Variants in CD2AP observed in about 807,000 individuals in gnomAD.
The protein encoded by CD2AP is CD2 associated protein, also known as CD2-associated protein.
Under a neutral mutation model 85.1 loss-of-function variants are expected in CD2AP, and 46 were observed. The observed-to-expected ratio is 0.54, with a 90% CI of 0.43 to 0.69. The LOEUF (loss-of-function observed/expected upper bound fraction) is 0.69, where lower values mean the gene tolerates loss of function less well. Among genes scored for constraint, CD2AP ranks in the 30% least tolerant of loss-of-function variants. The pLI, the probability that CD2AP is intolerant of heterozygous loss-of-function variation, is 0.00. For missense variants in CD2AP, 769 were observed against 729.5 expected (o/e 1.05, Z -0.62); for synonymous variants, 255 against 252.9 (o/e 1.01, Z -0.08).
intron 3 of CD2AP, among the ~76,000 whole-genome samples, chr6:47,542,430 A>G (rs1767239253): frequency 6.6e-6 from 1 of 152,228 alleles, no homozygotes; most frequent in South Asian, 2.1e-4. Flanking sequence ...TCTTTCCAAA[A>G]TTCATGTTGA....
At chr6:47,503,135 A>T in intron 1 of CD2AP, 145 bp from the exon 2 acceptor site, 1 of 771,146 alleles carries the variant, frequency 1.3e-6, no homozygotes, top group Non-Finnish European at 2.1e-6. Flanking sequence ...CCAAATATTT[A>T]AAGTAATTGA....
At chr6:47,538,055 A>C (rs183373612) in intron 3 of CD2AP, among the ~76,000 whole-genome samples, 1 of 151,876 alleles carries the variant, frequency 6.6e-6, no homozygotes, top group Non-Finnish European at 1.5e-5. Flanking sequence ...CGGGCAAGAA[A>C]ATTTTTTAAA....
At chr6:47,491,480 A>ATAC (rs771628933) in intron 1 of CD2AP, among the ~76,000 whole-genome samples, 56 of 152,248 alleles carry the variant, frequency 3.7e-4, no homozygotes, top group South Asian at 8.3e-4. Flanking sequence ...ACTCAATAGT[A>ATAC]TACTGTGATC....
chr6:47,532,804 C>A (rs1165756148), intron 2 of CD2AP, among the ~76,000 whole-genome samples: 1 of 152,126 alleles, frequency 6.6e-6, no homozygotes, highest in Non-Finnish European at 1.5e-5. Context: ...ATTTGAATTG[C>A]ATTGATATAT....
chr6:47,540,961 G>A (rs1767198174), intron 3 of CD2AP, among the ~76,000 whole-genome samples: 2 of 151,958 alleles, frequency 1.3e-5, no homozygotes, highest in South Asian at 4.2e-4. Flanking sequence ...AGGTATTTAG[G>A]GACACTATAT....
intron 12 of CD2AP, among the ~76,000 whole-genome samples, chr6:47,597,559 A>G (rs1768985260): frequency 6.6e-6 from 1 of 151,038 alleles, no homozygotes; most frequent in Non-Finnish European, 1.5e-5. Context: ...TGTTCATGGC[A>G]GCTGGAGGAA....
rs1005047619 is a variant in CD2AP at position 47,491,000 on chromosome 6, G to A, written c.5-12280G>A. Among the ~76,000 whole-genome samples the A allele has an allele frequency of 2.6e-5, 4 of 151,980 alleles. No individual in the cohort carries two copies. The East Asian group carries it at 5.8e-4, about 22-fold the overall frequency. ...GGAATTTCTAATATATAATTAAAAG[G>A]ACTTTAGGATGATATTGTGCTTTTT... On this transcript the variant is annotated intron_variant, in intron 1 of 17. Coordinates refer to ENST00000359314, the MANE Select transcript of CD2AP (RefSeq NM_012120.3).
At chr6:47,598,326 A>G (rs542407490) in intron 12 of CD2AP, among the ~76,000 whole-genome samples, 36 of 151,252 alleles carry the variant, frequency 2.4e-4, no homozygotes, top group African/African-American at 7.5e-4. Flanking sequence ...TAGAACCACT[A>G]TGGAAAGCAG....
At chr6:47,604,202 T>C (rs1769212336) in intron 13 of CD2AP, among the ~76,000 whole-genome samples, 1 of 152,118 alleles carries the variant, frequency 6.6e-6, no homozygotes, top group African/African-American at 2.4e-5. Flanking sequence ...TCGTGCCTGT[T>C]ATGCCACGTG....
intron 4 of CD2AP, among the ~76,000 whole-genome samples, chr6:47,550,816 G>A (rs1376738906): frequency 2.0e-5 from 3 of 152,122 alleles, no homozygotes; most frequent in Non-Finnish European, 2.9e-5. Context: ...TAAAGAAACC[G>A]TGGTATGTAT....
chr6:47,589,449 A>C (rs201892841), intron 11 of CD2AP, among the ~76,000 whole-genome samples: 2 of 147,342 alleles, frequency 1.4e-5, no homozygotes, highest in East Asian at 2.0e-4. Context: ...CACACACACA[A>C]ATATATATAC....
At chr6:47,587,446 C>T (rs1768662690) in intron 11 of CD2AP, among the ~76,000 whole-genome samples, 1 of 152,142 alleles carries the variant, frequency 6.6e-6, no homozygotes, top group Non-Finnish European at 1.5e-5. Flanking sequence ...TTTCTACTTT[C>T]TGTCCCAAGC....
chr6:47,503,074 A>G (rs2113981008), intron 1 of CD2AP, among the ~76,000 whole-genome samples: 1 of 152,326 alleles, frequency 6.6e-6, no homozygotes, highest in Middle Eastern at 3.4e-3. Flanking sequence ...CTCCCACTTA[A>G]TAGCTGTATT....
chr6:47,501,174 C>T (rs576720204), intron 1 of CD2AP, among the ~76,000 whole-genome samples: 2 of 152,238 alleles, frequency 1.3e-5, no homozygotes, highest in East Asian at 3.9e-4. Context: ...ATCGCTTGAG[C>T]CCAGGAGTTT....
At chr6:47,540,364 C>A (rs1767181382) in intron 3 of CD2AP, among the ~76,000 whole-genome samples, 1 of 151,710 alleles carries the variant, frequency 6.6e-6, no homozygotes, top group African/African-American at 2.4e-5. Context: ...TCTCAAAGTG[C>A]CCCCTTAATT....
intron 14 of CD2AP, among the ~76,000 whole-genome samples, chr6:47,607,306 C>CT (rs577107810): frequency 6.1e-4 from 93 of 152,032 alleles, no homozygotes; most frequent in African/African-American, 2.2e-3. Context: ...TACAGATTTC[C>CT]TTTTTTTGGT....
At chr6:47,597,223 G>C (rs1405745209) in intron 12 of CD2AP, among the ~76,000 whole-genome samples, 1 of 150,862 alleles carries the variant, frequency 6.6e-6, no homozygotes, top group African/African-American at 2.4e-5. Context: ...ACCTGTTTGT[G>C]CTGCTAGGCA....
chr6:47,526,740 A>T (rs896630405), intron 2 of CD2AP, among the ~76,000 whole-genome samples: 7 of 152,186 alleles, frequency 4.6e-5, no homozygotes, highest in Non-Finnish European at 8.8e-5. Context: ...GGATTTGAAT[A>T]GTAAGTCAAG....
chr6:47,567,584 T>C (rs907000714), intron 5 of CD2AP, among the ~76,000 whole-genome samples: 6 of 152,144 alleles, frequency 3.9e-5, no homozygotes, highest in African/African-American at 1.4e-4. Flanking sequence ...AATAAATGTA[T>C]ATAAGTGGGC....
Sources: gnomAD v4.1 joint callset for allele counts (sites outside exome capture counted in the v4.1 genomes callset) on GRCh38, gnomAD v4.1.1 for gene constraint, MANE v1.5 for transcripts, NCBI Gene and HGNC (gene_info 2026-07-23, HGNC 2026-07-21) for gene names.